AP2A2: variants seen among roughly 807,000 people sequenced by gnomAD.
AP2A2 encodes AP-2 complex subunit alpha-2.
In AP2A2, 32 loss-of-function variants were observed where a neutral mutation model predicts 104.2. That is an observed-to-expected ratio of 0.31 (90% CI 0.23 to 0.41). AP2A2 has a LOEUF of 0.41. AP2A2 is among the 10% of genes least tolerant of loss of function. AP2A2 has a pLI of 1.00. For synonymous variants in AP2A2, 539 were observed against 533.3 expected (o/e 1.01, Z -0.15); for missense variants, 912 against 1,261.0 (o/e 0.72, Z 4.19).
At chr11:984,290 C>T (rs1176510950) in intron 6 of AP2A2, among the ~76,000 whole-genome samples, 1 of 151,944 alleles carries the variant, frequency 6.6e-6, no homozygotes, top group Non-Finnish European at 1.5e-5. Flanking sequence ...GTCAGAATGC[C>T]GGCTTCTGGG....
At chr11:931,667 C>T (rs1016114083) in intron 1 of AP2A2, among the ~76,000 whole-genome samples, 1 of 152,128 alleles carries the variant, frequency 6.6e-6, no homozygotes, top group African/African-American at 2.4e-5. Context: ...ATGTTATTAG[C>T]AAGATGGCAA....
At chr11:960,605 C>T (rs1033665820) in intron 2 of AP2A2, among the ~76,000 whole-genome samples, 3 of 151,822 alleles carry the variant, frequency 2.0e-5, no homozygotes, top group Non-Finnish European at 2.9e-5. Context: ...CTCGAACTCC[C>T]GACCTCAAGT....
chr11:957,741 C>T (rs1054654865), intron 1 of AP2A2, among the ~76,000 whole-genome samples: 7 of 152,230 alleles, frequency 4.6e-5, no homozygotes, highest in Admixed American at 6.5e-5. Flanking sequence ...TGCCCTGCAG[C>T]ACAGACCTGC....
intron 2 of AP2A2, among the ~76,000 whole-genome samples, chr11:962,594 G>A (rs957343314): frequency 6.6e-6 from 1 of 152,076 alleles, no homozygotes; most frequent in Admixed American, 6.6e-5. Flanking sequence ...TTAGCTGGGT[G>A]TGGAGGCGCG....
intron 1 of AP2A2, chr11:947,044 C>G (rs1313482584): frequency 7.5e-6 from 1 of 133,256 alleles, no homozygotes; most frequent in Non-Finnish European, 1.5e-5. Context: ...GAGTCTCCCT[C>G]TGTCGCCAAG....
intron 1 of AP2A2, among the ~76,000 whole-genome samples, chr11:942,087 C>T (rs961258484): frequency 8.5e-5 from 13 of 152,110 alleles, no homozygotes; most frequent in East Asian, 5.8e-4. Flanking sequence ...CCACCATGCC[C>T]GGCTAATTTT....
At chr11:1,006,689 T>C (rs1337072007) in intron 17 of AP2A2, 72 bp downstream of exon 17, 6 of 1,219,938 alleles carry the variant, frequency 4.9e-6, no homozygotes, top group East Asian at 2.4e-5. Flanking sequence ...TTTGAGGAAG[T>C]TTTTTGGTTT....
intron 14 of AP2A2, among the ~76,000 whole-genome samples, chr11:996,507 T>C (rs1374665949): frequency 6.6e-6 from 1 of 152,172 alleles, no homozygotes; most frequent in African/African-American, 2.4e-5. Flanking sequence ...AAGTGAGGTG[T>C]GCCCATACCC....
chr11:964,681 A>G (rs1269221206), intron 2 of AP2A2, among the ~76,000 whole-genome samples: 1 of 152,192 alleles, frequency 6.6e-6, no homozygotes, highest in Admixed American at 6.5e-5. Flanking sequence ...TGTGAACAAC[A>G]ACAACAACAA....
chr11:954,722 G>GGT (rs56329960), intron 1 of AP2A2, among the ~76,000 whole-genome samples: 76,505 of 150,648 alleles, frequency 0.51, 19,878 homozygotes, highest in Admixed American at 0.65. Flanking sequence ...GTGTGTATTT[G>GGT]GTGTGTGTGT....
chr11:997,870 A>T (rs930926355), intron 14 of AP2A2, among the ~76,000 whole-genome samples: 1 of 152,222 alleles, frequency 6.6e-6, no homozygotes, highest in South Asian at 2.1e-4. Context: ...GCACCACTGC[A>T]CTCCAGCCTG....
intron 15 of AP2A2, among the ~76,000 whole-genome samples, chr11:1,003,209 C>T (rs570786574): frequency 4.9e-4 from 75 of 152,320 alleles, no homozygotes; most frequent in Admixed American, 8.5e-4. Flanking sequence ...ACGCATGGGG[C>T]GAGAGGAGAG....
intron 1 of AP2A2, among the ~76,000 whole-genome samples, chr11:958,268 C>G (rs1196120222): frequency 6.6e-6 from 1 of 152,194 alleles, no homozygotes; most frequent in Non-Finnish European, 1.5e-5. Flanking sequence ...CACCAGAAAC[C>G]ACCCTGCTGG....
At chr11:988,411 A>G in intron 9 of AP2A2, 141 bp from the exon 10 acceptor site, 2 of 1,084,476 alleles carry the variant, frequency 1.8e-6, no homozygotes, top group Non-Finnish European at 2.7e-6. Flanking sequence ...GCCCGAGTGC[A>G]GGTCGGCTCC....
intron 1 of AP2A2, among the ~76,000 whole-genome samples, chr11:934,199 T>C (rs1394545492): frequency 6.6e-6 from 1 of 152,172 alleles, no homozygotes; most frequent in Non-Finnish European, 1.5e-5. Context: ...GACCTCCTGC[T>C]GGGTGCGTTC....
intron 9 of AP2A2, among the ~76,000 whole-genome samples, chr11:987,805 GT>G (rs1473731394): frequency 6.6e-6 from 1 of 152,250 alleles, no homozygotes; most frequent in Non-Finnish European, 1.5e-5. Context: ...GTGCACATGC[GT>G]TAGGGAGTGG....
chr11:1,003,267 T>G (rs901580127), intron 15 of AP2A2, among the ~76,000 whole-genome samples: 3 of 152,168 alleles, frequency 2.0e-5, no homozygotes, highest in Non-Finnish European at 4.4e-5. Flanking sequence ...GCTGTGCTGC[T>G]GGTGGGTGGA....
chr11:1,005,119 T>C (rs1046419233), intron 16 of AP2A2, among the ~76,000 whole-genome samples: 3 of 152,132 alleles, frequency 2.0e-5, no homozygotes, highest in African/African-American at 7.2e-5. Context: ...TTAAACGAAA[T>C]GTGGTCTGTC....
intron 1 of AP2A2, among the ~76,000 whole-genome samples, chr11:940,405 G>A (rs1303240052): frequency 1.3e-5 from 2 of 152,068 alleles, no homozygotes; most frequent in African/African-American, 4.8e-5. Context: ...TCTTTTCTCT[G>A]TATTTCTCTA....
Sources: gnomAD v4.1 joint callset for allele counts (sites outside exome capture counted in the v4.1 genomes callset) on GRCh38, gnomAD v4.1.1 for gene constraint, MANE v1.5 for transcripts, NCBI Gene and HGNC (gene_info 2026-07-23, HGNC 2026-07-21) for gene names.